Variants in SLC40A1 observed in about 807,000 individuals in gnomAD.
SLC40A1 encodes the protein ferroportin.
In SLC40A1, 16 loss-of-function variants were observed where a neutral mutation model predicts 53.5. That is an observed-to-expected ratio of 0.30 (90% CI 0.20 to 0.45). SLC40A1 has a LOEUF of 0.45. Ranked by LOEUF, SLC40A1 falls within the 20% of genes least tolerant of loss-of-function variation. SLC40A1 has a pLI of 1.00. For missense variants in SLC40A1, 545 were observed against 695.4 expected (o/e 0.78, Z 2.43); for synonymous variants, 247 against 253.2 (o/e 0.98, Z 0.23).
rs104893672 is a variant in SLC40A1 at position 189,565,572 on chromosome 2, T to A, written c.542A>T (p.Asp181Val). The part of the protein sequence containing the change: ...ANMNATIRRI[D>V]QLTNILAPMA... ...GGGGGCTAAGATGTTGGTTAACTGG[T>A]CAATCCTTCGTATTGTGGCATTCAT... The change falls in exon 6 of 8, where the codon GAC becomes GTC. Residue 181 changes from aspartate to valine, a missense_variant. This residue lies in a region of SLC40A1 where 197 missense variants were observed against 278.8 expected (regional missense o/e 0.71). Coordinates refer to ENST00000261024, the MANE Select transcript of SLC40A1 (RefSeq NM_014585.6). 6.2e-7 allele frequency: 1 copy of A among 1,614,216 alleles called. No individual in the cohort carries two copies. Among genetic ancestry groups the A allele is most frequent in the Non-Finnish European group, 8.5e-7 (1 of 1,180,030 alleles).
intron 5 of SLC40A1, among the ~76,000 whole-genome samples, chr2:189,570,445 A>C (rs1430573408): frequency 6.6e-6 from 1 of 152,198 alleles, no homozygotes; most frequent in Non-Finnish European, 1.5e-5. Flanking sequence ...AAACAAAAAA[A>C]GACAAAGCCT....
chr2:189,577,621 T>TC (rs2031330548), intron 2 of SLC40A1, among the ~76,000 whole-genome samples: 1 of 151,144 alleles, frequency 6.6e-6, no homozygotes, highest in African/African-American at 2.4e-5. Context: ...TCCACTTTTT[T>TC]TTTTTTTTTT....
In SLC40A1 at chr2:189,579,899, G is replaced by A; in HGVS notation, c.44-19C>T. ...AAGGATCCTGCAAAGACACAGGCGG[G>A]GTGACAAAAAGCGATGGTAGTCACT... On this transcript the variant is annotated intron_variant, in intron 1 of 7. Transcript: ENST00000261024. 1 of 1,613,310 alleles carries A rather than the reference G, an allele frequency of 6.2e-7. No individual in the cohort carries two copies. Among genetic ancestry groups the A allele is most frequent in the South Asian group, 1.1e-5 (1 of 91,054 alleles).
chr2:189,575,447 T>C, intron 2 of SLC40A1, 127 bp from the exon 3 acceptor site: 1 of 826,792 alleles, frequency 1.2e-6, no homozygotes, highest in Non-Finnish European at 2.0e-6. Context: ...AGTCAGTAAT[T>C]ACTCTTAGAT....
chr2:189,561,896 T>C lies in SLC40A1; in HGVS notation c.1698A>G (p.Ala566=). The change falls in exon 8 of 8, where the codon GCA becomes GCG. Residue 566 remains alanine (A), a synonymous_variant. Coordinates refer to ENST00000261024, the MANE Select transcript of SLC40A1 (RefSeq NM_014585.6). ...AACTGTCTCAAACAACAGATGTATT[T>C]GCTTGATTTTCCTTCCTAACTTCTT... is the stretch of plus-strand genomic sequence containing the variant. ...DAKEVRKENQ[A]NTSVV is the part of the protein sequence containing the mutation. The C allele has an allele frequency of 1.2e-6, 2 of 1,614,022 alleles. No homozygotes were observed. The highest frequency in any genetic ancestry group is 3.3e-5 in the Admixed American group (2 of 60,026).
chr2:189,567,818 C>T (rs970870723), intron 5 of SLC40A1, among the ~76,000 whole-genome samples: 1 of 152,170 alleles, frequency 6.6e-6, no homozygotes, highest in African/African-American at 2.4e-5. Flanking sequence ...ATTGATCTTA[C>T]ACTTGACTGC....
At position 189,579,992 on chromosome 2, in the gene SLC40A1, G is replaced by A. The variant is rs577130857; in HGVS notation, c.44-112C>T. 5 of 1,076,266 alleles carry A rather than the reference G, an allele frequency of 4.6e-6. No homozygotes were observed. In the African/African-American group the frequency reaches 7.9e-5, roughly 17 times the overall value. The allele number at this position is 1,076,266 out of a possible 1,614,324, so 66.7% of individuals were successfully genotyped here. A position where few individuals can be genotyped will look rare whatever the true frequency, so the allele number is the denominator to read the frequency against. On this transcript the variant is annotated intron_variant, in intron 1 of 7. Coordinates refer to ENST00000261024, the MANE Select transcript of SLC40A1 (RefSeq NM_014585.6). ...GAACATGATTATTAAAAACTACTTT[G>A]CAGGACAAACCACGTACATTTTATC...
At chr2:189,564,893 T>A (rs1257692859) in intron 6 of SLC40A1, among the ~76,000 whole-genome samples, 1 of 152,192 alleles carries the variant, frequency 6.6e-6, no homozygotes, top group Non-Finnish European at 1.5e-5. Flanking sequence ...CAGAGCTGGA[T>A]AAAAGATTCT....
chr2:189,561,145 T>C lies in SLC40A1; in HGVS notation c.*733A>G, dbSNP rs2030725753. The C allele has an allele frequency of 6.6e-6, 1 of 152,340 alleles. No homozygotes were observed. Among genetic ancestry groups the C allele is most frequent in the Admixed American group, 6.5e-5 (1 of 15,302 alleles). The allele number at this position is 152,340 out of a possible 1,614,324, so 9.4% of individuals were successfully genotyped here. On this transcript the variant is annotated 3_prime_UTR_variant, in exon 8 of 8. Coordinates refer to ENST00000261024, the MANE Select transcript of SLC40A1 (RefSeq NM_014585.6). ...GCTTCTAGGTTCTATGACCAAACTA[T>C]TGACATATTTGAAGTCTGTATGCAG...
intron 7 of SLC40A1, among the ~76,000 whole-genome samples, chr2:189,563,157 C>A (rs2030808016): frequency 6.6e-6 from 1 of 151,562 alleles, no homozygotes; most frequent in Non-Finnish European, 1.5e-5. Context: ...TGGCTGTAGT[C>A]CCAGCTACTT....
Position 189,563,861 on chromosome 2 carries a change from G to C in SLC40A1, c.1125C>G (p.Ile375Met). 6.2e-7 allele frequency: 1 copy of C among 1,614,206 alleles called. No individual in the cohort carries two copies. The change falls in exon 7 of 8, where the codon ATC becomes ATG. Residue 375 changes from isoleucine (I) to methionine (M), a missense_variant. Physicochemically the swap from Ile to Met is conservative, Grantham distance 10. This residue lies in a region of SLC40A1 where 234 missense variants were observed against 299.0 expected (regional missense o/e 0.78). Coordinates refer to ENST00000261024, the MANE Select transcript of SLC40A1 (RefSeq NM_014585.6). ...AACAGGAAAGCTGTGCCAATCCTGA[G>C]ATCAGACCTGTCCGAACCAAACCAC... is the stretch of plus-strand genomic sequence containing the variant. Reference protein sequence around the residue: ...RKCGLVRTGLISGLAQLSCLI... With the variant: ...RKCGLVRTGLMSGLAQLSCLI...
At chr2:189,562,514 A>G (rs1378653307) in intron 7 of SLC40A1, among the ~76,000 whole-genome samples, 2 of 152,194 alleles carry the variant, frequency 1.3e-5, no homozygotes, top group Non-Finnish European at 2.9e-5. Flanking sequence ...CTATTATAGT[A>G]TAAGTACTAG....
Position 189,567,296 on chromosome 2 carries a change from A to G in SLC40A1, c.515-1697T>C, listed in dbSNP as rs968349165. ...GAGGAGAGAATTTAGTGGTGATAAC[A>G]AAGTCTAGAGTTTGACTACGGGAAT... On this transcript the variant is annotated intron_variant, in intron 5 of 7. Coordinates refer to ENST00000261024, the MANE Select transcript of SLC40A1 (RefSeq NM_014585.6). Among the ~76,000 whole-genome samples, 7 of 152,318 alleles carry G rather than the reference A, an allele frequency of 4.6e-5. No individual in the cohort carries two copies. In the East Asian group the frequency reaches 1.4e-3, roughly 29 times the overall value.
intron 2 of SLC40A1, chr2:189,578,097 C>T (rs527968243): frequency 3.4e-5 from 21 of 613,818 alleles, no homozygotes; most frequent in South Asian, 7.2e-5. Context: ...CAGGGTGGGA[C>T]GGAAAATGCA....
intron 2 of SLC40A1, among the ~76,000 whole-genome samples, chr2:189,578,995 G>A (rs949126583): frequency 9.9e-5 from 15 of 152,070 alleles, no homozygotes; most frequent in African/African-American, 3.6e-4. Context: ...AAATACATAT[G>A]AGCCATGGAC....
At position 189,561,551 on chromosome 2, in the gene SLC40A1, A is replaced by G. The variant is rs2030738659; in HGVS notation, c.*327T>C. 3.6e-6 allele frequency: 1 copy of G among 274,862 alleles called. No individual in the cohort carries two copies. Among genetic ancestry groups the G allele is most frequent in the Admixed American group, 4.9e-5 (1 of 20,248 alleles). The allele number at this position is 274,862 out of a possible 1,614,324, so 17.0% of individuals were successfully genotyped here. On this transcript the variant is annotated 3_prime_UTR_variant, in exon 8 of 8. Coordinates refer to ENST00000261024, the MANE Select transcript of SLC40A1 (RefSeq NM_014585.6). ...ATTCTAGTACAGATAAGAATCTGTC[A>G]AATGATAACTGAATTCACGTGACTA...
chr2:189,568,075 A>C (rs1239975152), intron 5 of SLC40A1, among the ~76,000 whole-genome samples: 1 of 152,058 alleles, frequency 6.6e-6, no homozygotes, highest in Admixed American at 6.6e-5. Flanking sequence ...TCCCAATGTC[A>C]CCAATTTCCA....
At position 189,580,523 on chromosome 2, in the gene SLC40A1, T is replaced by G. The variant is rs1288144973; in HGVS notation, c.-63A>C. The G allele has an allele frequency of 6.2e-7, 1 of 1,610,254 alleles. No homozygotes were observed. The highest frequency in any genetic ancestry group is 1.7e-5 in the Admixed American group (1 of 60,016). ...ATCGCTGCTGCTGCTCTCGCTGAGG[T>G]GCTTGTTAACAGGAGTGCAAGGAAC... On this transcript the variant is annotated 5_prime_UTR_variant, in exon 1 of 8. Coordinates refer to ENST00000261024, the MANE Select transcript of SLC40A1 (RefSeq NM_014585.6).
rs1444372744 is a variant in SLC40A1 at position 189,561,581 on chromosome 2, C to T, written c.*297G>A. On this transcript the variant is annotated 3_prime_UTR_variant, in exon 8 of 8. Coordinates refer to ENST00000261024, the MANE Select transcript of SLC40A1 (RefSeq NM_014585.6). ...ATAACTGAATTCACGTGACTAACCA[C>T]TCTTTTACGTAAGATTGTATCTACT... 2 of 340,364 alleles carry T rather than the reference C, an allele frequency of 5.9e-6. No individual in the cohort carries two copies. Among genetic ancestry groups the T allele is most frequent in the Non-Finnish European group, 1.1e-5 (2 of 182,838 alleles). The allele number at this position is 340,364 out of a possible 1,614,324, so 21.1% of individuals were successfully genotyped here.
Sources: allele counts gnomAD v4.1 joint callset (sites outside exome capture counted in the v4.1 genomes callset), GRCh38; gene constraint gnomAD v4.1.1; regional missense constraint gnomAD v4.1.1; transcripts MANE v1.5; gene names NCBI Gene and HGNC (gene_info 2026-07-23, HGNC 2026-07-21).